Variants in DNAH5 observed in about 807,000 individuals in gnomAD.
DNAH5 encodes axonemal beta dynein heavy chain 5.
A neutral mutation model predicts 518.2 loss-of-function variants in DNAH5; 372 were observed. The observed-to-expected ratio is 0.72, with a 90% CI of 0.66 to 0.78. The LOEUF (loss-of-function observed/expected upper bound fraction) is 0.78. Among genes scored for constraint, DNAH5 ranks in the 30% least tolerant of loss-of-function variants. The pLI is 0.00. For synonymous variants in DNAH5, 2,039 were observed against 2,025.9 expected (o/e 1.01, Z -0.17); for missense variants, 5,523 against 5,687.0 (o/e 0.97, Z 0.93).
chr5:13,804,837 A>G (rs956859808), intron 47 of DNAH5, among the ~76,000 whole-genome samples: 1 of 152,258 alleles, frequency 6.6e-6, no homozygotes, highest in Non-Finnish European at 1.5e-5. Context: ...ATGAATTTGT[A>G]TATCAAACAA....
chr5:13,911,058 A>G (rs1170389733), intron 12 of DNAH5, among the ~76,000 whole-genome samples: 1 of 152,194 alleles, frequency 6.6e-6, no homozygotes, highest in South Asian at 2.1e-4. Flanking sequence ...TCATTGCTAC[A>G]CAGTGACAAA....
intron 1 of DNAH5, among the ~76,000 whole-genome samples, chr5:13,969,650 T>C (rs1187820324): frequency 1.3e-5 from 2 of 152,224 alleles, no homozygotes; most frequent in African/African-American, 4.8e-5. Context: ...TCCAATTTCA[T>C]TCCACTGTGG....
rs746490787 is a variant in DNAH5, at chr5:13,839,435, T to C, written c.5803A>G (p.Ile1935Val). The C allele has an allele frequency of 1.2e-6, 2 of 1,614,064 alleles. No homozygotes were observed. The highest frequency in any genetic ancestry group is 1.7e-6 in the Non-Finnish European group (2 of 1,179,900). Reference sequence around the variant, plus strand: ...TGGTATATGAACGCCACATCTGTGATGTGAATCATCATCTTGTCAGAATCT... The same window carrying C: ...TGGTATATGAACGCCACATCTGTGACGTGAATCATCATCTTGTCAGAATCT... The part of the protein sequence containing the change: ...NEDSDKMMIH[I>V]TDVAFIYQNE... Residue 1935 changes from isoleucine (I) to valine (V), a missense_variant, in exon 35 of 79, where the codon ATC becomes GTC. Transcript: ENST00000265104.
At chr5:13,842,424 AAAGAAAGAAAG>A (rs1765320118) in intron 32 of DNAH5, among the ~76,000 whole-genome samples, 1 of 15,222 alleles carries the variant, frequency 6.6e-5, no homozygotes, top group Non-Finnish European at 1.4e-4. Flanking sequence ...AAAGAAAAGA[AAAGAAAGAAAG>A]AAAGAAAGAA....
chr5:13,760,144 T>TA (rs1211856950), intron 60 of DNAH5, among the ~76,000 whole-genome samples: 2 of 152,218 alleles, frequency 1.3e-5, no homozygotes, highest in East Asian at 3.8e-4. Flanking sequence ...ACTTACAACT[T>TA]AAAGTCACCT....
chr5:13,718,759 C>T (rs1442895381), intron 72 of DNAH5, 123 bp downstream of exon 72: 1 of 804,908 alleles, frequency 1.2e-6, no homozygotes, highest in East Asian at 2.7e-5. Flanking sequence ...ATCACCTCCC[C>T]ATCAGGTTAA....
chr5:13,832,118 C>T (rs538907176), intron 35 of DNAH5, among the ~76,000 whole-genome samples: 2 of 151,918 alleles, frequency 1.3e-5, no homozygotes, highest in African/African-American at 2.4e-5. Context: ...GTAACAAACC[C>T]GCACATGTAC....
chr5:13,806,057 C>T lies in DNAH5; in HGVS notation c.7887+1534G>A, dbSNP rs115405152. The stretch of plus-strand genomic sequence containing the variant: ...ACCCCACATAATGAAAAAATAATCA[C>T]ACTCTGATCTGATTTTTTTAAAACC... On this transcript the variant is annotated intron_variant, in intron 47 of 78. Coordinates refer to ENST00000265104, the MANE Select transcript of DNAH5 (RefSeq NM_001369.3). 1.3e-4 allele frequency among the ~76,000 whole-genome samples: 20 copies of T among 152,122 alleles called. No individual in the cohort carries two copies. In the South Asian group the frequency reaches 1.4e-3, roughly 11 times the overall value.
chr5:13,703,397 C>A (rs989160772), intron 76 of DNAH5, among the ~76,000 whole-genome samples: 1 of 109,622 alleles, frequency 9.1e-6, no homozygotes, highest in South Asian at 2.8e-4. Context: ...AACTAGTGTA[C>A]CCCAAGTTAG....
intron 21 of DNAH5, among the ~76,000 whole-genome samples, chr5:13,878,999 C>T (rs2151932710): frequency 6.6e-6 from 1 of 152,310 alleles, no homozygotes; most frequent in African/African-American, 2.4e-5. Context: ...ATATCTGAAT[C>T]TCCAGGGTAG....
At chr5:13,715,498 T>C (rs751463102) in intron 74 of DNAH5, among the ~76,000 whole-genome samples, 30 of 152,186 alleles carry the variant, frequency 2.0e-4, no homozygotes, top group Non-Finnish European at 3.4e-4. Flanking sequence ...ATTTGCTGAT[T>C]TGAATTAATA....
chr5:13,691,666 T>C lies in DNAH5; in HGVS notation c.*318A>G, dbSNP rs1740705770. On this transcript the variant is annotated 3_prime_UTR_variant, in exon 79 of 79. Transcript: ENST00000265104. ...AATAATTCCTCCCAGAGAAATACTGTCTGCTTACCCTAGTCAGTCTTCGGA... is the reference window on the plus strand; with the variant it reads ...AATAATTCCTCCCAGAGAAATACTGCCTGCTTACCCTAGTCAGTCTTCGGA... The C allele has an allele frequency of 3.2e-6, 1 of 315,092 alleles. No individual in the cohort carries two copies. Among genetic ancestry groups the C allele is most frequent in the Non-Finnish European group, 6.0e-6 (1 of 165,840 alleles). The allele number at this position is 315,092 out of a possible 1,614,324, so 19.5% of individuals were successfully genotyped here.
At chr5:13,852,415 C>T (rs370337512) in intron 30 of DNAH5, among the ~76,000 whole-genome samples, 36 of 152,184 alleles carry the variant, frequency 2.4e-4, no homozygotes, top group African/African-American at 8.0e-4. Flanking sequence ...AATCTGCCCA[C>T]CTCAGCCTCC....
At chr5:13,839,591 T>C in intron 34 of DNAH5, 63 bp from the exon 35 acceptor site, 1 of 1,346,950 alleles carries the variant, frequency 7.4e-7, no homozygotes, top group Non-Finnish European at 1.1e-6. Flanking sequence ...ATACACGTTA[T>C]TAGCATTCAT....
At chr5:13,697,228 A>G (rs946960387) in intron 78 of DNAH5, among the ~76,000 whole-genome samples, 2 of 152,240 alleles carry the variant, frequency 1.3e-5, no homozygotes, top group African/African-American at 4.8e-5. Context: ...TATTATTTCT[A>G]TAAAATAATT....
At chr5:13,921,018 T>G (rs940907631) in intron 5 of DNAH5, among the ~76,000 whole-genome samples, 1 of 152,226 alleles carries the variant, frequency 6.6e-6, no homozygotes, top group African/African-American at 2.4e-5. Flanking sequence ...GCTTTATTCA[T>G]GTATACATAT....
chr5:13,858,577 A>T (rs1244145420), intron 30 of DNAH5, among the ~76,000 whole-genome samples: 1 of 152,154 alleles, frequency 6.6e-6, no homozygotes. Context: ...TTAAAAAAAA[A>T]ATCCAAACCT....
intron 65 of DNAH5, among the ~76,000 whole-genome samples, chr5:13,739,954 G>C (rs1006740274): frequency 1.3e-5 from 2 of 151,946 alleles, no homozygotes; most frequent in African/African-American, 4.8e-5. Context: ...TCTCCACTTG[G>C]ACATCTAAGA....
At chr5:13,865,609 T>C in intron 27 of DNAH5, 59 bp downstream of exon 27, 1 of 1,077,238 alleles carries the variant, frequency 9.3e-7, no homozygotes, top group Non-Finnish European at 1.4e-6. Flanking sequence ...TGGCTGCCTA[T>C]CAAAGAGGAA....
Sources: gnomAD v4.1 joint callset for allele counts (sites outside exome capture counted in the v4.1 genomes callset) on GRCh38, gnomAD v4.1.1 for gene constraint, MANE v1.5 for transcripts, NCBI Gene and HGNC (gene_info 2026-07-23, HGNC 2026-07-21) for gene names.